The following SGPL1 variants were observed in gnomAD, a reference collection of about 807,000 sequenced individuals.
SGPL1 encodes SP-lyase 1.
In SGPL1, 37 loss-of-function variants were observed where a neutral mutation model predicts 68.9. That is an observed-to-expected ratio of 0.54 (90% CI 0.41 to 0.71). SGPL1 has a LOEUF of 0.71. Among genes scored for constraint, SGPL1 ranks in the 30% least tolerant of loss-of-function variants. The pLI, the probability that SGPL1 is intolerant of heterozygous loss-of-function variation, is 0.00. For synonymous variants in SGPL1, 236 were observed against 248.5 expected (o/e 0.95, Z 0.47); for missense variants, 551 against 704.6 (o/e 0.78, Z 2.47).
At position 70,849,862 on chromosome 10, in the gene SGPL1, C is replaced by T. The variant is rs188870422; in HGVS notation, c.194-1281C>T. Among the ~76,000 whole-genome samples, 325 of 152,316 alleles carry T rather than the reference C, an allele frequency of 2.1e-3. 1 individual carries two copies. Among genetic ancestry groups the T allele is most frequent in the Non-Finnish European group, 3.0e-3 (201 of 68,034 alleles). ...GAAGCAGTATAGAATCCTGGGAATC[C>T]TGGACTGAAAATACAAAGACTTCAG... On this transcript the variant is annotated intron_variant, in intron 3 of 14. Transcript: ENST00000373202.
chr10:70,850,164 A>G (rs16928022), intron 3 of SGPL1, among the ~76,000 whole-genome samples: 1,676 of 152,306 alleles, frequency 0.011, 27 homozygotes, highest in African/African-American at 0.038. Context: ...GGACTCTGGC[A>G]TCTGTGATTT....
intron 2 of SGPL1, among the ~76,000 whole-genome samples, chr10:70,833,503 G>C (rs1192044618): frequency 3.3e-5 from 5 of 152,172 alleles, no homozygotes; most frequent in Non-Finnish European, 5.9e-5. Flanking sequence ...TTTTCCCTTT[G>C]GGGTTGTGAT....
chr10:70,818,753 T>C lies in SGPL1; in HGVS notation c.27+1873T>C, dbSNP rs1350562206. 2.6e-5 allele frequency among the ~76,000 whole-genome samples: 4 copies of C among 152,226 alleles called. No individual in the cohort carries two copies. The East Asian group carries it at 7.7e-4, about 29-fold the overall frequency. On this transcript the variant is annotated intron_variant, in intron 2 of 14. Transcript: ENST00000373202. ...CGCAGATCCCAATGAAAAGTTCATC[T>C]AAAATAGTATCTTGCCCCAAATTTC...
chr10:70,818,113 T>C lies in SGPL1; in HGVS notation c.27+1233T>C, dbSNP rs183631401. Among the ~76,000 whole-genome samples, 33 of 152,260 alleles carry C rather than the reference T, an allele frequency of 2.2e-4. No homozygotes were observed. In the East Asian group the frequency reaches 4.8e-3, roughly 22 times the overall value. On this transcript the variant is annotated intron_variant, in intron 2 of 14. Transcript: ENST00000373202. ...GGGTTTAGTTTTTTTTGTTTCGTTT[T>C]GTTTTGTTTTGTTTGTTTGTTTTTG...
At chr10:70,871,442 C>T (rs1220998217) in intron 10 of SGPL1, among the ~76,000 whole-genome samples, 2 of 152,116 alleles carry the variant, frequency 1.3e-5, no homozygotes, top group Non-Finnish European at 2.9e-5. Flanking sequence ...AGGAATGTGC[C>T]CACCAAAAGG....
In SGPL1 at chr10:70,851,171, T is replaced by G; in HGVS notation, c.222T>G (p.Cys74Trp). The change falls in exon 4 of 15, where the codon TGT (cysteine) becomes TGG (tryptophan). Residue 74 changes from cysteine to tryptophan, a missense_variant. Physicochemically the swap from Cys to Trp is radical, Grantham distance 215. Transcript: ENST00000373202. ...TATGGTCAAGGTTTAAAAAGAAATG[T>G]TTTAAGCTCACCAGGAAGATGCCCA... Reference protein sequence around the residue: ...ESLWSRFKKKCFKLTRKMPII... With the variant: ...ESLWSRFKKKWFKLTRKMPII... 6.2e-7 allele frequency: 1 copy of G among 1,613,930 alleles called. No individual in the cohort carries two copies. Among genetic ancestry groups the G allele is most frequent in the Non-Finnish European group, 8.5e-7 (1 of 1,179,808 alleles).
chr10:70,821,481 A>T (rs1456496084), intron 2 of SGPL1, among the ~76,000 whole-genome samples: 1 of 152,186 alleles, frequency 6.6e-6, no homozygotes, highest in Non-Finnish European at 1.5e-5. Flanking sequence ...TGGTAGTGCT[A>T]GGTGGGGTTT....
chr10:70,859,329 T>C, intron 6 of SGPL1, 42 bp from the exon 7 acceptor site: 1 of 1,354,676 alleles, frequency 7.4e-7, no homozygotes, highest in Non-Finnish European at 9.6e-7. Context: ...TCCTGTATAG[T>C]GTAATAGTTT....
intron 3 of SGPL1, among the ~76,000 whole-genome samples, chr10:70,847,000 T>C (rs1386108622): frequency 6.6e-6 from 1 of 152,192 alleles, no homozygotes; most frequent in African/African-American, 2.4e-5. Flanking sequence ...TTCTGATACT[T>C]ATCTGCTTTT....
intron 7 of SGPL1, among the ~76,000 whole-genome samples, chr10:70,864,841 T>G (rs906905254): frequency 2.6e-5 from 4 of 152,240 alleles, no homozygotes; most frequent in Non-Finnish European, 5.9e-5. Context: ...AGCCAAAGCT[T>G]TGTTCTATCT....
At chr10:70,852,706 A>ATGTGTGTGTG (rs35491906) in intron 4 of SGPL1, among the ~76,000 whole-genome samples, 2 of 145,830 alleles carry the variant, frequency 1.4e-5, no homozygotes, top group Non-Finnish European at 3.1e-5. Context: ...ACATGTGTGT[A>ATGTGTGTGTG]TGTGTGTGTG....
At chr10:70,864,071 ATT>A (rs3998627) in intron 7 of SGPL1, among the ~76,000 whole-genome samples, 18,785 of 149,374 alleles carry the variant, frequency 0.13, 1,385 homozygotes, top group Non-Finnish European at 0.17. Flanking sequence ...ATAGGTTTAA[ATT>A]TTTTTTTTTT....
At chr10:70,821,558 T>C (rs762605989) in intron 2 of SGPL1, among the ~76,000 whole-genome samples, 9 of 152,088 alleles carry the variant, frequency 5.9e-5, no homozygotes, top group Non-Finnish European at 1.2e-4. Context: ...TGGGTGACAT[T>C]TGACAATGCC....
rs944482499 is a variant in SGPL1, at chr10:70,878,069, C to G, written c.*734C>G. The G allele has an allele frequency of 1.3e-5, 2 of 152,542 alleles. No homozygotes were observed. The highest frequency in any genetic ancestry group is 2.4e-5 in the African/African-American group (1 of 41,536). The allele number at this position is 152,542 out of a possible 1,614,324, so 9.4% of individuals were successfully genotyped here. A position where few individuals can be genotyped will look rare whatever the true frequency, so the allele number is the denominator to read the frequency against. Reference sequence around the variant, plus strand: ...CCTGACCTCAGGTGATACCCGCCCCCCCGCCTCAGCCTCCCAAAGTGCTGG... The same window carrying G: ...CCTGACCTCAGGTGATACCCGCCCCGCCGCCTCAGCCTCCCAAAGTGCTGG... On this transcript the variant is annotated 3_prime_UTR_variant, in exon 15 of 15. Transcript: ENST00000373202.
rs996313098 is a variant in SGPL1 at position 70,877,873 on chromosome 10, G to A, written c.*538G>A. 2.8e-5 allele frequency: 4 copies of A among 142,084 alleles called. No homozygotes were observed. The highest frequency in any genetic ancestry group is 6.0e-5 in the Non-Finnish European group (4 of 66,892). The allele number at this position is 142,084 out of a possible 1,614,324, so 8.8% of individuals were successfully genotyped here. ...TCTTTTGCCCAGTCTGGAGTGCAGT[G>A]GCATGATCTCAGCTCACTGCAACCT... On this transcript the variant is annotated 3_prime_UTR_variant, in exon 15 of 15. Transcript: ENST00000373202.
intron 2 of SGPL1, among the ~76,000 whole-genome samples, chr10:70,824,140 A>G (rs1473336045): frequency 6.6e-6 from 1 of 152,248 alleles, no homozygotes; most frequent in Non-Finnish European, 1.5e-5. Context: ...TTACATTTCT[A>G]GCCTGCCTTA....
At chr10:70,839,085 TCC>T (rs1158560024) in intron 2 of SGPL1, among the ~76,000 whole-genome samples, 1 of 152,118 alleles carries the variant, frequency 6.6e-6, no homozygotes, top group Admixed American at 6.5e-5. Flanking sequence ...GCTACCAAGC[TCC>T]CATAAATTCT....
chr10:70,878,144 G>A lies in SGPL1; in HGVS notation c.*809G>A, dbSNP rs1218833003. On this transcript the variant is annotated 3_prime_UTR_variant, in exon 15 of 15. Transcript: ENST00000373202. ...CTGGCCCTGTCTCTCTTAAGAGTAG[G>A]TTCATTGTCTGTCTTAGAGTCACTT... is the stretch of plus-strand genomic sequence containing the variant. 3 of 152,072 alleles carry A rather than the reference G, an allele frequency of 2.0e-5. No homozygotes were observed. Among genetic ancestry groups the A allele is most frequent in the Non-Finnish European group, 4.4e-5 (3 of 68,020 alleles). 9.4% of individuals were successfully genotyped at this position (152,072 alleles called of 1,614,324 possible).
chr10:70,862,601 T>C (rs564024959), intron 7 of SGPL1, among the ~76,000 whole-genome samples: 79 of 152,270 alleles, frequency 5.2e-4, no homozygotes, highest in African/African-American at 1.8e-3. Flanking sequence ...TTATGAGCTG[T>C]GACACTCACC....
Sources: allele counts gnomAD v4.1 joint callset (sites outside exome capture counted in the v4.1 genomes callset), GRCh38; gene constraint gnomAD v4.1.1; transcripts MANE v1.5; gene names NCBI Gene and HGNC (gene_info 2026-07-23, HGNC 2026-07-21).